The following JPH4 variants were observed in gnomAD, a reference collection of about 807,000 sequenced individuals.
JPH4 encodes junctophilin-4.
Under a neutral mutation model 57.6 loss-of-function variants are expected in JPH4, and 18 were observed. The ratio of observed to expected loss-of-function variants is 0.31; its 90% CI spans 0.22 to 0.46. JPH4 has a LOEUF of 0.46. Among genes scored for constraint, JPH4 ranks in the 20% least tolerant of loss-of-function variants. The probability of loss-of-function intolerance (pLI) is 1.00; values close to 1 mark genes in which losing one functional copy is unlikely to be tolerated. For synonymous variants in JPH4, 425 were observed against 406.6 expected (o/e 1.05, Z -0.54); for missense variants, 727 against 911.1 (o/e 0.80, Z 2.60).
rs964435976 is a variant in JPH4, at chr14:23,572,882, C to T, written c.1152-962G>A. Reference sequence around the variant, plus strand: ...AGCCTGGGAGTCTGATCAGTCCTTCCCCACTGTTGCTTCTCAGTTCTCCCT... The same window carrying T: ...AGCCTGGGAGTCTGATCAGTCCTTCTCCACTGTTGCTTCTCAGTTCTCCCT... On this transcript the variant is annotated intron_variant, in intron 3 of 5. Transcript: ENST00000356300. 5.7e-6 allele frequency: 4 copies of T among 702,496 alleles called. No homozygotes were observed. In the African/African-American group the frequency reaches 7.0e-5, roughly 12 times the overall value. 43.5% of individuals were successfully genotyped at this position (702,496 alleles called of 1,614,324 possible).
chr14:23,569,817 C>A lies in JPH4; in HGVS notation c.1804-100G>T. On this transcript the variant is annotated intron_variant, in intron 5 of 5. Transcript: ENST00000356300. The surrounding 1 kb of genome is among the most constrained non-coding windows in gnomAD (Gnocchi z 4.8). ...GAGCTGAAGGGTCTCAGGCACCTCC[C>A]TGCACAGCCTGGAGCAGGGGGATCG... 1.4e-6 allele frequency: 1 copy of A among 709,066 alleles called. No homozygotes were observed. Among genetic ancestry groups the A allele is most frequent in the South Asian group, 1.9e-5 (1 of 53,452 alleles). The allele number at this position is 709,066 out of a possible 1,614,324, so 43.9% of individuals were successfully genotyped here. A position where few individuals can be genotyped will look rare whatever the true frequency, so the allele number is the denominator to read the frequency against.
chr14:23,570,735 G>A (rs1459304862), intron 5 of JPH4, among the ~76,000 whole-genome samples, 193 bp downstream of exon 5: 3 of 152,156 alleles, frequency 2.0e-5, no homozygotes, highest in African/African-American at 7.2e-5. Flanking sequence ...GAGGGAGTTG[G>A]GCTTGCAGGT....
At position 23,573,899 on chromosome 14, in the gene JPH4, C is replaced by G. The variant is rs192073088; in HGVS notation, c.1151+1786G>C. Among the ~76,000 whole-genome samples the G allele has an allele frequency of 2.0e-5, 3 of 151,944 alleles. No individual in the cohort carries two copies. The East Asian group carries it at 5.8e-4, about 29-fold the overall frequency. ...ACATTCTCTGACTCAAACGTCTACT[C>G]TGCATTTGGCATGTTTATATTCTTT... On this transcript the variant is annotated intron_variant, in intron 3 of 5. Coordinates refer to ENST00000356300, the MANE Select transcript of JPH4 (RefSeq NM_001146028.2).
intron 3 of JPH4, chr14:23,574,944 G>A (rs574333021): frequency 5.9e-6 from 1 of 169,682 alleles, no homozygotes; most frequent in African/African-American, 2.4e-5. Flanking sequence ...GCTTCTTTTT[G>A]TTTTTTAATG....
At position 23,571,137 on chromosome 14, in the gene JPH4, G is replaced by C; in HGVS notation, c.1594C>G (p.Leu532Val). Residue 532 changes from leucine to valine, a missense_variant, in exon 5 of 6, where the codon CTC (leucine) becomes GTC (valine). By Grantham distance (32) the Leu-to-Val change is conservative. Transcript: ENST00000356300. The surrounding 1 kb of genome is among the most constrained non-coding windows in gnomAD (Gnocchi z 4.6). ...CCTGAACTGTCGCTGCAGCCTCCGA[G>C]GAGTGGGGAACCGTCTCTGGGCCCT... ...GPGPRDGSPL[L>V]GGCSDSSGSL... 6.2e-7 allele frequency: 1 copy of C among 1,614,144 alleles called. No individual in the cohort carries two copies. Among genetic ancestry groups the C allele is most frequent in the Non-Finnish European group, 8.5e-7 (1 of 1,180,006 alleles).
rs761927327 is a variant in JPH4, at chr14:23,575,762, C to T, written c.1074G>A (p.Glu358=). ...PLALRRGKVK[E]KVDRAVEGAR... Reference sequence around the variant, plus strand: ...CGCCCTCGACAGCCCTGTCCACCTTCTCCTTAACCTTGCCCCGCCGAAGGG... The same window carrying T: ...CGCCCTCGACAGCCCTGTCCACCTTTTCCTTAACCTTGCCCCGCCGAAGGG... Residue 358 remains glutamate (E), a synonymous_variant, in exon 3 of 6, where the codon GAG becomes GAA. Coordinates refer to ENST00000356300, the MANE Select transcript of JPH4 (RefSeq NM_001146028.2). This position sits in a 1 kb window ranked among gnomAD's most constrained non-coding sequence, Gnocchi z 6.9. 7.5e-6 allele frequency: 12 copies of T among 1,592,190 alleles called. No homozygotes were observed. In the South Asian group the frequency reaches 1.4e-4, roughly 18 times the overall value.
Position 23,577,269 on chromosome 14 carries a change from T to C in JPH4, c.185A>G (p.Gln62Arg), listed in dbSNP as rs1163624323. 2 of 1,537,156 alleles carry C rather than the reference T, an allele frequency of 1.3e-6. No individual in the cohort carries two copies. Among genetic ancestry groups the C allele is most frequent in the Admixed American group, 2.0e-5 (1 of 50,884 alleles). ...VFTGPGGHSY[Q>R]GHWQQGKREG... ...GCGCTTGCCCTGCTGCCAGTGGCCC[T>C]GGTAGCTGTGTCCGCCGGGCCCCGT... Residue 62 changes from glutamine to arginine, a missense_variant, in exon 2 of 6, where the codon CAG (glutamine) becomes CGG (arginine). Physicochemically the swap from Gln to Arg is conservative, Grantham distance 43 (BLOSUM62 1). Around this residue, in one of 7 missense-constraint regions of JPH4, gnomAD observed 83 missense variants for 135.4 expected, o/e 0.61. Coordinates refer to ENST00000356300, the MANE Select transcript of JPH4 (RefSeq NM_001146028.2). This position sits in a 1 kb window ranked among gnomAD's most constrained non-coding sequence, Gnocchi z 8.4.
chr14:23,576,369 C>T lies in JPH4; in HGVS notation c.467G>A (p.Arg156His). The T allele has an allele frequency of 7.4e-7, 1 of 1,342,694 alleles. No homozygotes were observed. Among genetic ancestry groups the T allele is most frequent in the Non-Finnish European group, 9.5e-7 (1 of 1,051,772 alleles). 83.2% of individuals were successfully genotyped at this position (1,342,694 alleles called of 1,614,324 possible). A position where few individuals can be genotyped will look rare whatever the true frequency, so the allele number is the denominator to read the frequency against. Residue 156 changes from arginine to histidine, a missense_variant, in exon 3 of 6, where the codon CGC becomes CAC. This residue lies in a region of JPH4 where 6 missense variants were observed against 22.4 expected (regional missense o/e 0.27). Coordinates refer to ENST00000356300, the MANE Select transcript of JPH4 (RefSeq NM_001146028.2). The surrounding 1 kb of genome is among the most constrained non-coding windows in gnomAD (Gnocchi z 8.0). ...SVPYHQAALL[R>H]SPRRTSLDSG... is the part of the protein sequence containing the mutation. ...ATCCAGGGAGGTGCGGCGGGGCGAGCGCAGCAGCGCCGCCTGATGGTAGGG... is the reference window on the plus strand; with the variant it reads ...ATCCAGGGAGGTGCGGCGGGGCGAGTGCAGCAGCGCCGCCTGATGGTAGGG...
At position 23,571,211 on chromosome 14, in the gene JPH4, T is replaced by A; in HGVS notation, c.1520A>T (p.Glu507Val). 1.2e-6 allele frequency: 2 copies of A among 1,613,740 alleles called. No individual in the cohort carries two copies. The highest frequency in any genetic ancestry group is 1.7e-6 in the Non-Finnish European group (2 of 1,179,842). Residue 507 changes from glutamate to valine, a missense_variant, in exon 5 of 6, where the codon GAG becomes GTG. Around this residue, in one of 7 missense-constraint regions of JPH4, gnomAD observed 293 missense variants for 279.8 expected, o/e 1.05. Coordinates refer to ENST00000356300, the MANE Select transcript of JPH4 (RefSeq NM_001146028.2). This position sits in a 1 kb window ranked among gnomAD's most constrained non-coding sequence, Gnocchi z 4.6. Reference sequence around the variant, plus strand: ...CTCAGCCTCATAGCCAGCTAGTTCCTCTGCCTGTGCGCCTGCCCCCCCCCA... The same window carrying A: ...CTCAGCCTCATAGCCAGCTAGTTCCACTGCCTGTGCGCCTGCCCCCCCCCA... ...EEWGGAGAQA[E>V]ELAGYEAEDE...
Position 23,571,587 on chromosome 14 carries a change from G to T in JPH4, c.1271-127C>A. 1.6e-6 allele frequency: 2 copies of T among 1,228,874 alleles called. No homozygotes were observed. The highest frequency in any genetic ancestry group is 1.1e-6 in the Non-Finnish European group (1 of 880,380). The allele number at this position is 1,228,874 out of a possible 1,614,324, so 76.1% of individuals were successfully genotyped here. On this transcript the variant is annotated intron_variant, in intron 4 of 5. Coordinates refer to ENST00000356300, the MANE Select transcript of JPH4 (RefSeq NM_001146028.2). This position sits in a 1 kb window ranked among gnomAD's most constrained non-coding sequence, Gnocchi z 4.6. Reference sequence around the variant, plus strand: ...CCAGGCTCATAGCCTCTCACCGCCAGACCCCAAACCCCCCATTATCCTACT... The same window carrying T: ...CCAGGCTCATAGCCTCTCACCGCCATACCCCAAACCCCCCATTATCCTACT...
Position 23,576,720 on chromosome 14 carries a change from C to A in JPH4, c.380-264G>T, listed in dbSNP as rs1033995562. Among the ~76,000 whole-genome samples, 1 of 152,030 alleles carries A rather than the reference C, an allele frequency of 6.6e-6. No homozygotes were observed. The highest frequency in any genetic ancestry group is 6.6e-5 in the Admixed American group (1 of 15,260). ...GTAAACAGGGGAAACGGGGAGGGCC[C>A]GGCAGGCATGCGAAGGACAGGCTGG... is the stretch of plus-strand genomic sequence containing the variant. On this transcript the variant is annotated intron_variant, in intron 2 of 5. Transcript: ENST00000356300. The surrounding 1 kb of genome is among the most constrained non-coding windows in gnomAD (Gnocchi z 8.0).
rs1220271659 is a variant in JPH4 at position 23,569,667 on chromosome 14, G to A, written c.1854C>T (p.Ser618=). The change falls in exon 6 of 6, where the codon AGC becomes AGT. Residue 618 remains serine, a synonymous_variant. Coordinates refer to ENST00000356300, the MANE Select transcript of JPH4 (RefSeq NM_001146028.2). The surrounding 1 kb of genome is among the most constrained non-coding windows in gnomAD (Gnocchi z 4.8). ...VVGAVALLDL[S]LAFLFSQLLT Reference sequence around the variant, plus strand: ...GGAGCTGGGAGAACAGGAATGCCAGGCTGAGGTCCAGGAGGGCCACGGCTC... The same window carrying A: ...GGAGCTGGGAGAACAGGAATGCCAGACTGAGGTCCAGGAGGGCCACGGCTC... 2 of 1,552,964 alleles carry A rather than the reference G, an allele frequency of 1.3e-6. No homozygotes were observed. Among genetic ancestry groups the A allele is most frequent in the South Asian group, 1.2e-5 (1 of 84,086 alleles).
intron 3 of JPH4, among the ~76,000 whole-genome samples, chr14:23,573,790 G>A (rs956968475): frequency 2.0e-5 from 3 of 152,066 alleles, no homozygotes; most frequent in Non-Finnish European, 2.9e-5. Context: ...AGCCTAAAAT[G>A]TTCCCTGGTG....
intron 5 of JPH4, among the ~76,000 whole-genome samples, chr14:23,570,169 C>T (rs936054961): frequency 7.3e-5 from 10 of 136,860 alleles, no homozygotes; most frequent in Non-Finnish European, 1.4e-4. Flanking sequence ...AACTTCTTCC[C>T]GGGAGAGGGA....
At chr14:23,574,596 G>A (rs1450312674) in intron 3 of JPH4, among the ~76,000 whole-genome samples, 2 of 152,326 alleles carry the variant, frequency 1.3e-5, no homozygotes, top group Non-Finnish European at 2.9e-5. Flanking sequence ...GGGCGGTCCC[G>A]TGCTGCCCAC....
rs1889308143 is a variant in JPH4 at position 23,577,636 on chromosome 14, G to C, written c.-171-12C>G. ...CTCATCCTGAGTGGCTGCGGAGAAA[G>C]AGGGAGGGGGGCAAGTGGCGAGAGA... On this transcript the variant is annotated splice_polypyrimidine_tract_variant and intron_variant, in intron 1 of 5. Transcript: ENST00000356300. This position sits in a 1 kb window ranked among gnomAD's most constrained non-coding sequence, Gnocchi z 8.4. 2.3e-6 allele frequency: 1 copy of C among 442,740 alleles called. No individual in the cohort carries two copies. 27.4% of individuals were successfully genotyped at this position (442,740 alleles called of 1,614,324 possible). A position where few individuals can be genotyped will look rare whatever the true frequency, so the allele number is the denominator to read the frequency against.
In JPH4 at chr14:23,576,452, G is replaced by GCT; in HGVS notation, c.383_384insAG (p.Tyr129AlafsTer121). 1.4e-6 allele frequency: 2 copies of GCT among 1,421,860 alleles called. No homozygotes were observed. Among genetic ancestry groups the GCT allele is most frequent in the Admixed American group, 5.7e-5 (2 of 34,990 alleles). 88.1% of individuals were successfully genotyped at this position (1,421,860 alleles called of 1,614,324 possible). ...TCCCGGCCTGCCACTGGCCCTGGTA[G>GCT]GTGCCTGCGGGCGGCGGAGGGGTGG... On this transcript the variant is annotated frameshift_variant, in exon 3 of 6. Transcript: ENST00000356300. LOFTEE classifies it high-confidence loss of function. This position sits in a 1 kb window ranked among gnomAD's most constrained non-coding sequence, Gnocchi z 8.0.
Position 23,576,994 on chromosome 14 carries a change from C to G in JPH4, c.379+81G>C. Reference sequence around the variant, plus strand: ...GGGGAAAGAAGGATGGGCGCAAGGGCGCAAATGGCGGGCGAAGGCCCAAGG... The same window carrying G: ...GGGGAAAGAAGGATGGGCGCAAGGGGGCAAATGGCGGGCGAAGGCCCAAGG... On this transcript the variant is annotated intron_variant, in intron 2 of 5. Transcript: ENST00000356300. The surrounding 1 kb of genome is among the most constrained non-coding windows in gnomAD (Gnocchi z 8.0). 7.1e-7 allele frequency: 1 copy of G among 1,414,016 alleles called. No homozygotes were observed. Among genetic ancestry groups the G allele is most frequent in the Non-Finnish European group, 9.2e-7 (1 of 1,084,630 alleles). The allele number at this position is 1,414,016 out of a possible 1,614,324, so 87.6% of individuals were successfully genotyped here.
rs1889269846 is a variant in JPH4, at chr14:23,576,226, C to T, written c.610G>A (p.Asp204Asn). Reference protein sequence around the residue: ...GFVLAGPGDADGASSRKRTPA... With the variant: ...GFVLAGPGDANGASSRKRTPA... ...GTGCGCTTTCGGGACGACGCGCCGT[C>T]GGCGTCCCCGGGCCCGGCCAGCACG... The change falls in exon 3 of 6, where the codon GAC (aspartate) becomes AAC (asparagine). Residue 204 changes from aspartate to asparagine, a missense_variant. By Grantham distance (23) the Asp-to-Asn change is conservative (BLOSUM62 1). Transcript: ENST00000356300. The surrounding 1 kb of genome is among the most constrained non-coding windows in gnomAD (Gnocchi z 8.0). The T allele has an allele frequency of 3.1e-6, 4 of 1,272,486 alleles. No individual in the cohort carries two copies. Among genetic ancestry groups the T allele is most frequent in the African/African-American group, 1.6e-5 (1 of 64,502 alleles). The allele number at this position is 1,272,486 out of a possible 1,614,324, so 78.8% of individuals were successfully genotyped here.
Sources: gnomAD v4.1 joint callset for allele counts (sites outside exome capture counted in the v4.1 genomes callset) on GRCh38, gnomAD v4.1.1 for gene constraint, gnomAD v4.1.1 regional missense constraint, Gnocchi (gnomAD v3.1) non-coding constraint, MANE v1.5 for transcripts, NCBI Gene and HGNC (gene_info 2026-07-23, HGNC 2026-07-21) for gene names.